ADCY5: variants seen among roughly 807,000 people sequenced by gnomAD.
The protein encoded by ADCY5 is adenylate cyclase type 5.
A neutral mutation model predicts 119.7 loss-of-function variants in ADCY5; 30 were observed. The ratio of observed to expected loss-of-function variants is 0.25; its 90% CI spans 0.19 to 0.34. The LOEUF (loss-of-function observed/expected upper bound fraction) is 0.34, where lower values mean the gene tolerates loss of function less well. ADCY5 is among the 10% of genes least tolerant of loss of function. The pLI is 1.00. For synonymous variants in ADCY5, 753 were observed against 762.2 expected, an observed-to-expected ratio of 0.99 and a Z score of 0.20; for missense variants, 1,324 against 1,775.2, an observed-to-expected ratio of 0.75 and a Z score of 4.57.
intron 1 of ADCY5, among the ~76,000 whole-genome samples, chr3:123,387,783 A>G (rs1944271737): frequency 6.6e-6 from 1 of 152,254 alleles, no homozygotes; most frequent in Non-Finnish European, 1.5e-5. Flanking sequence ...AACATCAGCA[A>G]TAAATAAGGC....
intron 1 of ADCY5, among the ~76,000 whole-genome samples, chr3:123,389,739 C>A (rs1944347725): frequency 6.6e-6 from 1 of 152,196 alleles, no homozygotes; most frequent in Non-Finnish European, 1.5e-5. Flanking sequence ...TCAGTCAACT[C>A]TACCAGAATT....
chr3:123,345,761 G>GACACACACACACACAC (rs1491583420), intron 3 of ADCY5, among the ~76,000 whole-genome samples: 45 of 36,016 alleles, frequency 1.2e-3, no homozygotes, highest in African/African-American at 4.7e-3. Context: ...CAGACAGACA[G>GACACACACACACACAC]ACAGACAGAC....
chr3:123,385,076 CT>C (rs1445963886), intron 1 of ADCY5, among the ~76,000 whole-genome samples: 1 of 152,154 alleles, frequency 6.6e-6, no homozygotes, highest in Non-Finnish European at 1.5e-5. Flanking sequence ...GCAGGCCCCC[CT>C]CTCCTTACAG....
intron 1 of ADCY5, among the ~76,000 whole-genome samples, chr3:123,439,105 A>G (rs1054763171): frequency 2.7e-4 from 8 of 29,850 alleles, no homozygotes; most frequent in African/African-American, 9.3e-4. Flanking sequence ...GTCTCGCTCT[A>G]TCACCCACCT....
intron 12 of ADCY5, among the ~76,000 whole-genome samples, chr3:123,312,281 C>T (rs2108307860): frequency 6.6e-6 from 1 of 152,316 alleles, no homozygotes; most frequent in East Asian, 1.9e-4. Context: ...TAAATAATGA[C>T]TTTGCCTCAG....
intron 12 of ADCY5, among the ~76,000 whole-genome samples, chr3:123,309,138 T>C (rs1052674419): frequency 3.3e-5 from 5 of 152,186 alleles, no homozygotes; most frequent in African/African-American, 9.7e-5. Context: ...CCTGGCCTCT[T>C]TGAGTGTCTC....
chr3:123,368,618 G>A (rs1943533832), intron 1 of ADCY5, among the ~76,000 whole-genome samples: 1 of 152,118 alleles, frequency 6.6e-6, no homozygotes, highest in Non-Finnish European at 1.5e-5. Context: ...TGGACATGAT[G>A]GCACATGCCT....
At chr3:123,297,186 GAGGACGCCTTGCTACCCC>G in intron 16 of ADCY5, 149 bp downstream of exon 16, 1 of 1,337,162 alleles carries the variant, frequency 7.5e-7, no homozygotes, top group Non-Finnish European at 1.1e-6. Context: ...TCTGCCCCCC[GAGGACGCCTTGCTACCCC>G]AGGAGGAACC....
At chr3:123,314,453 T>C (rs910889695) in intron 11 of ADCY5, 131 bp from the exon 12 acceptor site, 2 of 678,448 alleles carry the variant, frequency 2.9e-6, no homozygotes, top group African/African-American at 1.8e-5. Context: ...GCCTGGGCTC[T>C]GAAATCCAGA....
In ADCY5 at chr3:123,304,110, AC is replaced by A; in HGVS notation, c.2515del (p.Val839CysfsTer129). 1 of 1,507,474 alleles carries A rather than the reference AC, an allele frequency of 6.6e-7. No individual in the cohort carries two copies. The highest frequency in any genetic ancestry group is 8.9e-7 in the Non-Finnish European group (1 of 1,117,656). The allele number at this position is 1,507,474 out of a possible 1,614,324, so 93.4% of individuals were successfully genotyped here. ...RSKMNSTLVG[V>X]FTITLVFLAA... The stretch of plus-strand genomic sequence containing the variant: ...CAGGAACACCAGGGTGATGGTGAAC[AC>A]CCCAACCAGGGTGCTGTTCATCTTG... On this transcript the variant is annotated frameshift_variant, in exon 13 of 21. Coordinates refer to ENST00000462833, the MANE Select transcript of ADCY5 (RefSeq NM_183357.3). LOFTEE classifies it high-confidence loss of function.
chr3:123,402,390 C>T (rs920514975), intron 1 of ADCY5, among the ~76,000 whole-genome samples: 1 of 152,244 alleles, frequency 6.6e-6, no homozygotes, highest in African/African-American at 2.4e-5. Flanking sequence ...GGGATCAAAT[C>T]TGGCTGCCTG....
At chr3:123,350,952 G>A (rs1348937997) in intron 2 of ADCY5, among the ~76,000 whole-genome samples, 2 of 152,154 alleles carry the variant, frequency 1.3e-5, no homozygotes, top group Admixed American at 6.5e-5. Flanking sequence ...CTGAGGCCTG[G>A]GGGTGAGTGT....
chr3:123,378,954 C>T (rs1943934625), intron 1 of ADCY5, among the ~76,000 whole-genome samples: 2 of 152,158 alleles, frequency 1.3e-5, no homozygotes, highest in African/African-American at 2.4e-5. Context: ...CACCTAGAGC[C>T]CCAGGGAAGA....
At chr3:123,412,706 C>A (rs1022457310) in intron 1 of ADCY5, among the ~76,000 whole-genome samples, 1 of 152,062 alleles carries the variant, frequency 6.6e-6, no homozygotes, top group African/African-American at 2.4e-5. Flanking sequence ...CCAACTCCCC[C>A]ATCCCTCATT....
Position 123,303,071 on chromosome 3 carries a change from T to G in ADCY5, c.2708A>C (p.Asn903Thr). ...EQGFCGSPWP[N>T]CNFPEYFTYS... ...ACCCAGTACCTCGGGGAAGTTGCAG[T>G]TGGGCCAGGGGCTGCCACAGAAGCC... Residue 903 changes from asparagine (N) to threonine (T), a missense_variant, in exon 14 of 21, where the codon AAC (asparagine) becomes ACC (threonine). This residue lies in a region of ADCY5 where 424 missense variants were observed against 546.8 expected (regional missense o/e 0.78). Transcript: ENST00000462833. The G allele has an allele frequency of 6.2e-7, 1 of 1,613,682 alleles. No homozygotes were observed.
intron 1 of ADCY5, among the ~76,000 whole-genome samples, chr3:123,407,574 A>G (rs1944932182): frequency 7.2e-6 from 1 of 137,962 alleles, no homozygotes; most frequent in African/African-American, 2.7e-5. Context: ...CAACATAGTG[A>G]GACCCTATCT....
chr3:123,423,495 G>A (rs1452101451), intron 1 of ADCY5, among the ~76,000 whole-genome samples: 2 of 152,184 alleles, frequency 1.3e-5, no homozygotes, highest in Non-Finnish European at 2.9e-5. Context: ...CTCACAGCCA[G>A]AAACTGGGTC....
In ADCY5 at chr3:123,346,104, G is replaced by A. The variant is rs553961196; in HGVS notation, c.1406+1678C>T. 2.6e-5 allele frequency among the ~76,000 whole-genome samples: 4 copies of A among 152,370 alleles called. No homozygotes were observed. The East Asian group carries it at 5.8e-4, about 22-fold the overall frequency. ...GTGAGTAGATGAACGCACGTAGGGC[G>A]GTGGCTGGTTCAGGCAAGCTCTGCG... On this transcript the variant is annotated intron_variant, in intron 3 of 20. Coordinates refer to ENST00000462833, the MANE Select transcript of ADCY5 (RefSeq NM_183357.3).
chr3:123,297,234 C>T (rs887560694), intron 16 of ADCY5, 119 bp downstream of exon 16: 7 of 1,447,838 alleles, frequency 4.8e-6, no homozygotes, highest in Non-Finnish European at 9.6e-7. Flanking sequence ...GTCCTGTTGG[C>T]CTTCTCCTTC....
Sources: gnomAD v4.1 joint callset for allele counts (sites outside exome capture counted in the v4.1 genomes callset) on GRCh38, gnomAD v4.1.1 for gene constraint, gnomAD v4.1.1 regional missense constraint, MANE v1.5 for transcripts, NCBI Gene and HGNC (gene_info 2026-07-23, HGNC 2026-07-21) for gene names.